The following TFDP1 variants were observed in gnomAD, a reference collection of about 807,000 sequenced individuals.
TFDP1 encodes transcription factor Dp-1.
TFDP1 carries 6 observed loss-of-function variants against 48.0 expected under a neutral mutation model. The ratio of observed to expected loss-of-function variants is 0.13; its 90% CI spans 0.07 to 0.25. TFDP1 has a LOEUF of 0.25. TFDP1 is among the 10% of genes least tolerant of loss of function. The pLI is 1.00. For synonymous variants in TFDP1, 201 were observed against 211.6 expected, an observed-to-expected ratio of 0.95 and a Z score of 0.44; for missense variants, 335 against 543.0, an observed-to-expected ratio of 0.62 and a Z score of 3.81.
intron 2 of TFDP1, among the ~76,000 whole-genome samples, chr13:113,599,005 TGAAATGACAG>T (rs2048348393): frequency 6.6e-6 from 1 of 152,262 alleles, no homozygotes. Flanking sequence ...AGCAGTCATC[TGAAATGACAG>T]TCAACGGGGC....
At chr13:113,620,957 T>A (rs1425189046) in intron 3 of TFDP1, among the ~76,000 whole-genome samples, 1 of 152,268 alleles carries the variant, frequency 6.6e-6, no homozygotes, top group African/African-American at 2.4e-5. Context: ...CAACTTAGGT[T>A]ATTAAGAGAA....
chr13:113,622,291 ACT>A (rs989709552), intron 3 of TFDP1, among the ~76,000 whole-genome samples: 5 of 150,734 alleles, frequency 3.3e-5, no homozygotes, highest in Admixed American at 6.6e-5. Context: ...TTACTTCTAC[ACT>A]CTCTCGTCTC....
At chr13:113,587,815 G>A (rs1475457939) in intron 2 of TFDP1, among the ~76,000 whole-genome samples, 1 of 152,134 alleles carries the variant, frequency 6.6e-6, no homozygotes, top group African/African-American at 2.4e-5. Flanking sequence ...AAAAGATGAT[G>A]TTGGCAGCTT....
At chr13:113,636,794 C>A in intron 10 of TFDP1, 94 bp downstream of exon 10, 1 of 1,433,778 alleles carries the variant, frequency 7.0e-7, no homozygotes, top group Non-Finnish European at 9.4e-7. Flanking sequence ...ATGTGTCTTG[C>A]TGAGATCAGG....
In TFDP1 at chr13:113,634,581, A is replaced by G. The variant is rs749416774; in HGVS notation, c.666A>G (p.Gln222=). ...AAAGAATAAAACAGAAACAGTCTCA[A>G]CTTCAAGAACTTATTCTACAGGTAA... ...RLERIKQKQS[Q]LQELILQQIA... Residue 222 remains glutamine, a synonymous_variant, in exon 8 of 12, where the codon CAA becomes CAG. Coordinates refer to ENST00000375370, the MANE Select transcript of TFDP1 (RefSeq NM_007111.5). 2 of 1,613,032 alleles carry G rather than the reference A, an allele frequency of 1.2e-6. No homozygotes were observed. The highest frequency in any genetic ancestry group is 1.7e-6 in the Non-Finnish European group (2 of 1,179,630).
At chr13:113,606,773 C>T (rs1017595813) in intron 2 of TFDP1, among the ~76,000 whole-genome samples, 3 of 152,088 alleles carry the variant, frequency 2.0e-5, no homozygotes, top group African/African-American at 7.2e-5. Flanking sequence ...TTGCATTTCC[C>T]TTGTGATTTT....
At position 113,585,782 on chromosome 13, in the gene TFDP1, T is replaced by C. The variant is rs1399986525; in HGVS notation, c.-56T>C. ...TTTTTTTTTTTTACCAGAAAAATCA[T>C]TTTTCTTCTCTGGGAAGGTGAACAT... On this transcript the variant is annotated 5_prime_UTR_variant, in exon 2 of 12. Coordinates refer to ENST00000375370, the MANE Select transcript of TFDP1 (RefSeq NM_007111.5). 1 of 1,483,540 alleles carries C rather than the reference T, an allele frequency of 6.7e-7. No individual in the cohort carries two copies. Among genetic ancestry groups the C allele is most frequent in the Non-Finnish European group, 9.2e-7 (1 of 1,091,172 alleles). 91.9% of individuals were successfully genotyped at this position (1,483,540 alleles called of 1,614,324 possible). A position where few individuals can be genotyped will look rare whatever the true frequency, so the allele number is the denominator to read the frequency against.
At chr13:113,613,551 T>G (rs2140416083) in intron 3 of TFDP1, among the ~76,000 whole-genome samples, 1 of 151,886 alleles carries the variant, frequency 6.6e-6, no homozygotes, top group Non-Finnish European at 1.5e-5. Context: ...GGAATGTGTG[T>G]GTCACTGAGT....
chr13:113,638,214 GT>G, intron 11 of TFDP1, among the ~76,000 whole-genome samples: 1 of 152,128 alleles, frequency 6.6e-6, no homozygotes, highest in Middle Eastern at 3.4e-3. Context: ...GTATTTCCAG[GT>G]TTTTTTTCCC....
rs2048586989 is a variant in TFDP1, at chr13:113,607,025, C to G, written c.13-3971C>G. ...GGTCTGCTTTAGAGGCCCTGCGGCCCCAGAAGTCATGCCTCTGAGTCCGTG... is the reference window on the plus strand; with the variant it reads ...GGTCTGCTTTAGAGGCCCTGCGGCCGCAGAAGTCATGCCTCTGAGTCCGTG... On this transcript the variant is annotated intron_variant, in intron 2 of 11. Transcript: ENST00000375370. This position sits in a 1 kb window ranked among gnomAD's most constrained non-coding sequence, Gnocchi z 5.2. Among the ~76,000 whole-genome samples the G allele has an allele frequency of 6.6e-6, 1 of 152,208 alleles. No homozygotes were observed. Among genetic ancestry groups the G allele is most frequent in the African/African-American group, 2.4e-5 (1 of 41,454 alleles).
Position 113,586,419 on chromosome 13 carries a change from GTCATGAAA to G in TFDP1, c.12+571_12+578del, listed in dbSNP as rs1212744047. 6.0e-4 allele frequency among the ~76,000 whole-genome samples: 92 copies of G among 152,314 alleles called. 1 individual carries two copies. The highest frequency in any genetic ancestry group is 6.8e-3 in the Middle Eastern group (2 of 294). On this transcript the variant is annotated intron_variant, in intron 2 of 11. Transcript: ENST00000375370. ...ATGCTACTTAGCCTGCTTTGCAGTT[GTCATGAAA>G]CTATAGAATATTTTGAAAATTTTTT...
intron 2 of TFDP1, chr13:113,586,322 G>A (rs2048002206): frequency 6.5e-6 from 1 of 154,050 alleles, no homozygotes; most frequent in Admixed American, 6.5e-5. Context: ...TGGACCAAGA[G>A]CTAAGGACTT....
At chr13:113,637,652 T>G (rs775797037) in intron 10 of TFDP1, 166 bp from the exon 11 acceptor site, 6 of 1,539,504 alleles carry the variant, frequency 3.9e-6, no homozygotes, top group Non-Finnish European at 5.2e-6. Context: ...CACAGCGGGA[T>G]GTCCTGCTCC....
chr13:113,615,737 C>T (rs2048840478), intron 3 of TFDP1, among the ~76,000 whole-genome samples: 1 of 152,100 alleles, frequency 6.6e-6, no homozygotes, highest in Admixed American at 6.6e-5. Flanking sequence ...GACCCCATCT[C>T]TATAAAAAAT....
At chr13:113,591,121 C>T (rs2140276667) in intron 2 of TFDP1, among the ~76,000 whole-genome samples, 1 of 151,444 alleles carries the variant, frequency 6.6e-6, no homozygotes, top group South Asian at 2.1e-4. Context: ...GCGGGTGGAT[C>T]ACCTGAGGTC....
chr13:113,637,531 G>C, intron 10 of TFDP1: 1 of 1,294,704 alleles, frequency 7.7e-7, no homozygotes, highest in Non-Finnish European at 1.0e-6. Flanking sequence ...GTTTCACGAT[G>C]GGTATGATAC....
intron 4 of TFDP1, among the ~76,000 whole-genome samples, chr13:113,626,584 C>G (rs1388700325): frequency 2.0e-5 from 3 of 151,964 alleles, no homozygotes; most frequent in Non-Finnish European, 4.4e-5. Flanking sequence ...GTTCCAGATC[C>G]CAGGCAGCTT....
chr13:113,601,844 G>A (rs2048437768), intron 2 of TFDP1, among the ~76,000 whole-genome samples: 1 of 152,106 alleles, frequency 6.6e-6, no homozygotes, highest in South Asian at 2.1e-4. Flanking sequence ...GGAGCGGATG[G>A]AGTTACCTGC....
chr13:113,626,812 T>C (rs1474522594), intron 4 of TFDP1, among the ~76,000 whole-genome samples: 2 of 152,260 alleles, frequency 1.3e-5, no homozygotes, highest in African/African-American at 4.8e-5. Context: ...GGTTTGCTTA[T>C]AAGTTGACTA....
Sources: allele counts gnomAD v4.1 joint callset (sites outside exome capture counted in the v4.1 genomes callset), GRCh38; gene constraint gnomAD v4.1.1; non-coding constraint Gnocchi (gnomAD v3.1); transcripts MANE v1.5; gene names NCBI Gene and HGNC (gene_info 2026-07-23, HGNC 2026-07-21).